FRMD4B: variants seen among roughly 807,000 people sequenced by gnomAD.
FRMD4B encodes FERM domain-containing protein 4B.
Under a neutral mutation model 141.5 loss-of-function variants are expected in FRMD4B, and 74 were observed. The ratio of observed to expected loss-of-function variants is 0.52; its 90% confidence interval spans 0.43 to 0.63. The LOEUF (loss-of-function observed/expected upper bound fraction) is 0.63, where lower values mean the gene tolerates loss of function less well. Among genes scored for constraint, FRMD4B ranks in the 30% least tolerant of loss-of-function variants. The pLI is 0.00. For missense variants in FRMD4B, 1,366 were observed against 1,253.4 expected, an observed-to-expected ratio of 1.09 and a Z score of -1.36; for synonymous variants, 506 against 467.9, an observed-to-expected ratio of 1.08 and a Z score of -1.05.
chr3:69,253,941 T>G (rs970243621), intron 5 of FRMD4B, among the ~76,000 whole-genome samples: 1 of 151,956 alleles, frequency 6.6e-6, no homozygotes, highest in Non-Finnish European at 1.5e-5. Context: ...ATTAGCCAGG[T>G]GTGGTGGCTC....
At chr3:69,273,849 G>A (rs2093606058) in intron 5 of FRMD4B, among the ~76,000 whole-genome samples, 1 of 150,784 alleles carries the variant, frequency 6.6e-6, no homozygotes, top group Non-Finnish European at 1.5e-5. Flanking sequence ...AGAATTAGAA[G>A]AAGTATTTAA....
rs543464279 is a variant in FRMD4B at position 69,355,323 on chromosome 3, T to C, written c.162+30505A>G. On this transcript the variant is annotated intron_variant, in intron 1 of 22. Coordinates refer to ENST00000398540, the MANE Select transcript of FRMD4B (RefSeq NM_015123.3). ...GGAGTAAATTTTCTAATATTTCATA[T>C]ACATTTCTAAAATTTTATATAGGTT... is the stretch of plus-strand genomic sequence containing the variant. 5.3e-5 allele frequency among the ~76,000 whole-genome samples: 8 copies of C among 152,332 alleles called. 1 individual carries two copies. The South Asian group carries it at 1.5e-3, about 28-fold the overall frequency.
chr3:69,283,455 G>A (rs1309764823), intron 5 of FRMD4B, among the ~76,000 whole-genome samples: 2 of 150,916 alleles, frequency 1.3e-5, no homozygotes, highest in East Asian at 3.9e-4. Context: ...AGAAAGAAAG[G>A]TGCTCCTAGC....
intron 4 of FRMD4B, among the ~76,000 whole-genome samples, chr3:69,295,607 C>T (rs183209127): frequency 3.3e-5 from 5 of 152,144 alleles, no homozygotes; most frequent in East Asian, 1.9e-4. Context: ...GTGTGAGCCA[C>T]GGTGGCTGGC....
chr3:69,422,413 G>T (rs950065794), intron 2 of FRMD4B, among the ~76,000 whole-genome samples: 1 of 151,510 alleles, frequency 6.6e-6, no homozygotes, highest in African/African-American at 2.4e-5. Flanking sequence ...GAAAAGGAGA[G>T]GGGGCAGGGA....
intron 1 of FRMD4B, chr3:69,353,836 T>A: frequency 2.8e-6 from 1 of 351,440 alleles, no homozygotes; most frequent in Non-Finnish European, 4.0e-6. Flanking sequence ...TAAAAACAAC[T>A]AAAAAACTTC....
intron 3 of FRMD4B, among the ~76,000 whole-genome samples, chr3:69,311,031 C>T (rs891649485): frequency 2.6e-5 from 4 of 152,180 alleles, no homozygotes; most frequent in African/African-American, 9.7e-5. Context: ...CTCATTACTA[C>T]ACATTTCTAA....
intron 1 of FRMD4B, among the ~76,000 whole-genome samples, chr3:69,364,962 T>A (rs138374716): frequency 6.6e-6 from 1 of 152,226 alleles, no homozygotes; most frequent in East Asian, 1.9e-4. Context: ...ACAAAATTGC[T>A]GAAATTCACT....
chr3:69,475,952 G>A (rs957990922), intron 1 of FRMD4B, among the ~76,000 whole-genome samples: 8 of 151,578 alleles, frequency 5.3e-5, no homozygotes, highest in Non-Finnish European at 1.0e-4. Flanking sequence ...TTCTCTGATG[G>A]CCAGTGATGA....
At chr3:69,294,378 G>A (rs1700974498) in intron 4 of FRMD4B, among the ~76,000 whole-genome samples, 2 of 152,194 alleles carry the variant, frequency 1.3e-5, no homozygotes, top group Non-Finnish European at 1.5e-5. Context: ...TAATTTAAGT[G>A]TATTTCACTT....
At chr3:69,297,392 A>G (rs938229829) in intron 4 of FRMD4B, among the ~76,000 whole-genome samples, 1 of 152,108 alleles carries the variant, frequency 6.6e-6, no homozygotes, top group Non-Finnish European at 1.5e-5. Context: ...TTAGGGTACC[A>G]CTGAGTGGAC....
chr3:69,352,339 G>A (rs569833203), intron 1 of FRMD4B, among the ~76,000 whole-genome samples: 1 of 152,110 alleles, frequency 6.6e-6, no homozygotes, highest in Non-Finnish European at 1.5e-5. Context: ...AGATAGGACC[G>A]ATTTAGAGAC....
At chr3:69,206,490 A>G (rs983535604) in intron 11 of FRMD4B, among the ~76,000 whole-genome samples, 1 of 152,230 alleles carries the variant, frequency 6.6e-6, no homozygotes, top group Non-Finnish European at 1.5e-5. Context: ...ACCTAAAAGG[A>G]TGTCATCACA....
At chr3:69,437,784 T>C (rs536560957) in intron 1 of FRMD4B, among the ~76,000 whole-genome samples, 1 of 123,608 alleles carries the variant, frequency 8.1e-6, no homozygotes, top group Non-Finnish European at 1.6e-5. Context: ...CTATATATAC[T>C]ATATTTATAT....
At chr3:69,184,755 G>A (rs1206560041) in intron 19 of FRMD4B, among the ~76,000 whole-genome samples, 2 of 152,160 alleles carry the variant, frequency 1.3e-5, no homozygotes, top group Non-Finnish European at 2.9e-5. Flanking sequence ...AGGACTTTCT[G>A]CAATGACAAA....
intron 7 of FRMD4B, among the ~76,000 whole-genome samples, chr3:69,225,694 CAAAAAAAAAAAAAAAA>C (rs144489759): frequency 1.3e-4 from 3 of 23,336 alleles, no homozygotes; most frequent in Admixed American, 7.3e-4. Flanking sequence ...GACTCCGTCT[CAAAAAAAAAAAAAAAA>C]AAAAAAAAAA....
At chr3:69,221,377 C>T (rs766764943) in intron 9 of FRMD4B, among the ~76,000 whole-genome samples, 3 of 152,128 alleles carry the variant, frequency 2.0e-5, no homozygotes, top group South Asian at 2.1e-4. Context: ...ACTATACACT[C>T]GACTCAAATT....
At chr3:69,178,471 G>A (rs906233447) in intron 21 of FRMD4B, among the ~76,000 whole-genome samples, 1 of 152,016 alleles carries the variant, frequency 6.6e-6, no homozygotes, top group Non-Finnish European at 1.5e-5. Flanking sequence ...TTGCAGCTAG[G>A]GCTTAGAGGC....
At chr3:69,265,266 AAAAATATATAT>A (rs1356810132) in intron 5 of FRMD4B, among the ~76,000 whole-genome samples, 3 of 18,530 alleles carry the variant, frequency 1.6e-4, no homozygotes, top group East Asian at 3.1e-3. Context: ...AAAAAAAAAA[AAAAATATATAT>A]ATATATATAT....
Sources: allele counts gnomAD v4.1 joint callset (sites outside exome capture counted in the v4.1 genomes callset), GRCh38; gene constraint gnomAD v4.1.1; transcripts MANE v1.5; gene names NCBI Gene and HGNC (gene_info 2026-07-23, HGNC 2026-07-21).